RANGAP1: variants seen among roughly 807,000 people sequenced by gnomAD.
RANGAP1 encodes ran GTPase-activating protein 1.
In RANGAP1, 38 loss-of-function variants were observed where a neutral mutation model predicts 63.5. The ratio of observed to expected loss-of-function variants is 0.60; its 90% CI spans 0.46 to 0.78. The LOEUF (loss-of-function observed/expected upper bound fraction) is 0.78. Ranked by LOEUF, RANGAP1 falls within the 30% of genes least tolerant of loss-of-function variation. The probability of loss-of-function intolerance (pLI) is 0.00; values close to 1 mark genes in which losing one functional copy is unlikely to be tolerated. For synonymous variants in RANGAP1, 329 were observed against 310.5 expected, an observed-to-expected ratio of 1.06 and a Z score of -0.63; for missense variants, 630 against 740.3, an observed-to-expected ratio of 0.85 and a Z score of 1.73.
intron 2 of RANGAP1, among the ~76,000 whole-genome samples, chr22:41,277,280 G>A (rs536612156): frequency 2.6e-5 from 4 of 151,724 alleles, no homozygotes; most frequent in Middle Eastern, 3.4e-3. Flanking sequence ...GGGTTTCACC[G>A]TTTTAGCCAG....
chr22:41,250,958 C>T (rs773032040), intron 13 of RANGAP1, 49 bp downstream of exon 13: 14 of 1,475,430 alleles, frequency 9.5e-6, no homozygotes, highest in African/African-American at 2.8e-5. Flanking sequence ...CTGGGGCCCA[C>T]GAGCATCAAG....
rs746571696 is a variant in RANGAP1, at chr22:41,246,680, G to T, written c.1695-8C>A. On this transcript the variant is annotated splice_polypyrimidine_tract_variant and splice_region_variant and intron_variant, in intron 15 of 15. Transcript: ENST00000356244. ...TCCAGGGCGCTGTTGGGCCTGCGGGGAAAGAGGGGTCAGCAGGTCGGTGGA... is the reference window on the plus strand; with the variant it reads ...TCCAGGGCGCTGTTGGGCCTGCGGGTAAAGAGGGGTCAGCAGGTCGGTGGA... The T allele has an allele frequency of 1.3e-5, 20 of 1,558,246 alleles. No individual in the cohort carries two copies.
rs533843156 is a variant in RANGAP1 at position 41,252,060 on chromosome 22, C to T, written c.1380+812G>A. 3.9e-4 allele frequency among the ~76,000 whole-genome samples: 60 copies of T among 152,196 alleles called. No homozygotes were observed. In the Middle Eastern group the frequency reaches 0.01, roughly 26 times the overall value. ...CTACAAAATAAGGGCTGGCCGGGCA[C>T]GGTGGCTCATGCCTGTAACCCTAGC... On this transcript the variant is annotated intron_variant, in intron 12 of 15. Coordinates refer to ENST00000356244, the MANE Select transcript of RANGAP1 (RefSeq NM_002883.4).
At position 41,274,585 on chromosome 22, in the gene RANGAP1, C is replaced by T. The variant is rs750302494; in HGVS notation, c.240+15G>A. ...GTTCAAACCAGCCTGGGCCTACTCG[C>T]CCCACTCTGCTCACCTTCAACTCCG... is the stretch of plus-strand genomic sequence containing the variant. On this transcript the variant is annotated intron_variant, in intron 3 of 15. Coordinates refer to ENST00000356244, the MANE Select transcript of RANGAP1 (RefSeq NM_002883.4). The T allele has an allele frequency of 6.2e-7, 1 of 1,613,686 alleles. No homozygotes were observed. The highest frequency in any genetic ancestry group is 1.1e-5 in the South Asian group (1 of 91,042).
chr22:41,257,820 G>C lies in RANGAP1; in HGVS notation c.774+128C>G. The C allele has an allele frequency of 8.6e-7, 1 of 1,160,372 alleles. No individual in the cohort carries two copies. Among genetic ancestry groups the C allele is most frequent in the South Asian group, 1.7e-5 (1 of 59,920 alleles). The allele number at this position is 1,160,372 out of a possible 1,614,324, so 71.9% of individuals were successfully genotyped here. On this transcript the variant is annotated intron_variant, in intron 7 of 15. Transcript: ENST00000356244. The surrounding 1 kb of genome is among the most constrained non-coding windows in gnomAD (Gnocchi z 4.0). ...ACATGTTCAAAGAGCTGGAGCCATGGGGCACACACCCAGGGGGCAGGCAGG... is the reference window on the plus strand; with the variant it reads ...ACATGTTCAAAGAGCTGGAGCCATGCGGCACACACCCAGGGGGCAGGCAGG...
intron 7 of RANGAP1, 118 bp from the exon 8 acceptor site, chr22:41,256,942 T>C (rs1019511530): frequency 2.4e-5 from 17 of 709,298 alleles, no homozygotes; most frequent in Non-Finnish European, 3.8e-5. Flanking sequence ...TGTCCTCCTC[T>C]GCAAGTCACC....
chr22:41,258,093 AG>A lies in RANGAP1; in HGVS notation c.628del (p.Leu210TrpfsTer34). On this transcript the variant is annotated frameshift_variant, in exon 7 of 16. Coordinates refer to ENST00000356244, the MANE Select transcript of RANGAP1 (RefSeq NM_002883.4). LOFTEE classifies it high-confidence loss of function. ...LAEAFRVIGT[L>X]EEVHMPQNGI... The stretch of plus-strand genomic sequence containing the variant: ...ATTCTGTGGCATGTGGACCTCCTCC[AG>A]GGTCCCGATGACCTGTGAAGAGGAG... 6.2e-7 allele frequency: 1 copy of A among 1,609,444 alleles called. No individual in the cohort carries two copies. The highest frequency in any genetic ancestry group is 8.5e-7 in the Non-Finnish European group (1 of 1,177,082).
At chr22:41,279,837 C>T (rs2035391056) in intron 2 of RANGAP1, among the ~76,000 whole-genome samples, 2 of 151,268 alleles carry the variant, frequency 1.3e-5, no homozygotes, top group African/African-American at 4.9e-5. Flanking sequence ...GTGGCTCACG[C>T]CTGTAATCCG....
intron 9 of RANGAP1, 31 bp from the exon 10 acceptor site, chr22:41,256,136 G>T: frequency 2.5e-6 from 4 of 1,613,878 alleles, no homozygotes; most frequent in South Asian, 1.1e-5. Flanking sequence ...GCAGTCAGCC[G>T]GGGTGCCAGG....
intron 3 of RANGAP1, among the ~76,000 whole-genome samples, chr22:41,271,386 TA>T (rs35627809): frequency 1.6e-4 from 15 of 91,976 alleles, no homozygotes; most frequent in African/African-American, 6.0e-4. Flanking sequence ...AAACTGTCTC[TA>T]AAAAAAAACA....
At chr22:41,262,655 A>T (rs116420219) in intron 5 of RANGAP1, among the ~76,000 whole-genome samples, 2,422 of 146,524 alleles carry the variant, frequency 0.017, 61 homozygotes, top group African/African-American at 0.064. Context: ...ATGGTGGATC[A>T]CGCACACACG....
intron 12 of RANGAP1, among the ~76,000 whole-genome samples, chr22:41,251,563 T>G (rs1458144536): frequency 2.0e-5 from 3 of 150,972 alleles, no homozygotes; most frequent in African/African-American, 7.3e-5. Flanking sequence ...GAGGTCGAGG[T>G]TGCACTGAGC....
At chr22:41,290,229 CTTTT>C (rs11336113), upstream of RANGAP1, among the ~76,000 whole-genome samples, 1 of 108,294 alleles carries the variant, frequency 9.2e-6, no homozygotes. Context: ...ATTATTATTA[CTTTT>C]TTTTTTTTTT....
chr22:41,301,391 G>A, the RANGAP1 span: 1 of 152,204 alleles, frequency 6.6e-6, no homozygotes, highest in East Asian at 1.9e-4. Flanking sequence ...CTTTCGACGG[G>A]GAATGGGGCT....
At chr22:41,259,139 A>G (rs1294512523) in intron 6 of RANGAP1, among the ~76,000 whole-genome samples, 1 of 151,682 alleles carries the variant, frequency 6.6e-6, no homozygotes, top group Non-Finnish European at 1.5e-5. Flanking sequence ...TTCAAAGCCT[A>G]TATTCCGTCT....
At chr22:41,255,688 C>G (rs994048878) in intron 10 of RANGAP1, among the ~76,000 whole-genome samples, 1 of 152,038 alleles carries the variant, frequency 6.6e-6, no homozygotes, top group Non-Finnish European at 1.5e-5. Flanking sequence ...GTCTCCACCC[C>G]ACGAGACAGA....
intron 6 of RANGAP1, among the ~76,000 whole-genome samples, chr22:41,259,754 G>A (rs535443458): frequency 6.6e-5 from 10 of 152,290 alleles, no homozygotes; most frequent in African/African-American, 2.4e-4. Context: ...TATAATCCCA[G>A]CACTTTAGGA....
At position 41,284,634 on chromosome 22, in the gene RANGAP1, G is replaced by A. The variant is rs371170107; in HGVS notation, c.-39+1352C>T. 4.1e-4 allele frequency among the ~76,000 whole-genome samples: 62 copies of A among 152,218 alleles called. No homozygotes were observed. The East Asian group carries it at 6.4e-3, about 16-fold the overall frequency. On this transcript the variant is annotated intron_variant, in intron 1 of 15. Transcript: ENST00000356244. ...CTCCTGCAATCCCAGCATTTCCGGA[G>A]GCTGAGGTGGGCGGATCGATTGAGC...
intron 2 of RANGAP1, among the ~76,000 whole-genome samples, chr22:41,279,059 CA>C: frequency 6.6e-6 from 1 of 152,362 alleles, no homozygotes; most frequent in African/African-American, 2.4e-5. Flanking sequence ...GGGAGAATGA[CA>C]TGAACCCAGG....
Sources: allele counts gnomAD v4.1 joint callset (sites outside exome capture counted in the v4.1 genomes callset), GRCh38; gene constraint gnomAD v4.1.1; non-coding constraint Gnocchi (gnomAD v3.1); transcripts MANE v1.5; gene names NCBI Gene and HGNC (gene_info 2026-07-23, HGNC 2026-07-21).